Variants in THSD4 observed in about 807,000 individuals in gnomAD.
THSD4 encodes the protein thrombospondin type-1 domain-containing protein 4.
In THSD4, 69 loss-of-function variants were observed where a neutral mutation model predicts 119.0. That is an observed-to-expected ratio of 0.58 (90% CI 0.48 to 0.71). The LOEUF (loss-of-function observed/expected upper bound fraction) is 0.71. THSD4 is among the 30% of genes least tolerant of loss of function. The pLI, the probability that THSD4 is intolerant of heterozygous loss-of-function variation, is 0.00. For missense variants in THSD4, 1,393 were observed against 1,391.1 expected, an observed-to-expected ratio of 1.00 and a Z score of -0.02; for synonymous variants, 524 against 540.4, an observed-to-expected ratio of 0.97 and a Z score of 0.42.
intron 14 of THSD4, 171 bp from the exon 15 acceptor site, chr15:71,757,731 C>G (rs2053566472): frequency 1.3e-6 from 1 of 772,600 alleles, no homozygotes; most frequent in African/African-American, 1.8e-5. Context: ...CAGAGAATTG[C>G]CATACTGATA....
chr15:71,126,021 G>A (rs1047640598), intron 1 of THSD4, among the ~76,000 whole-genome samples: 1 of 152,202 alleles, frequency 6.6e-6, no homozygotes, highest in African/African-American at 2.4e-5. Flanking sequence ...CAGGGGGCTG[G>A]CATTCTTCCT....
At position 71,746,900 on chromosome 15, in the gene THSD4, A is replaced by G. The variant is rs370814534; in HGVS notation, c.2099A>G (p.Gln700Arg). The G allele has an allele frequency of 1.9e-6, 3 of 1,613,940 alleles. No homozygotes were observed. The African/African-American group carries it at 4.0e-5, about 22-fold the overall frequency. The change falls in exon 13 of 18, where the codon CAG (glutamine) becomes CGG (arginine). Residue 700 changes from glutamine (Q) to arginine (R), a missense_variant. Physicochemically the swap from Gln to Arg is conservative, Grantham distance 43. Transcript: ENST00000261862. Reference protein sequence around the residue: ...KTCGLGMQHRQVLCRQVYANR... With the variant: ...KTCGLGMQHRRVLCRQVYANR... ...TGTGGCCTGGGCATGCAGCACCGCCAGGTTCTGTGCCGCCAGGTGTACGCC... is the reference window on the plus strand; with the variant it reads ...TGTGGCCTGGGCATGCAGCACCGCCGGGTTCTGTGCCGCCAGGTGTACGCC...
chr15:71,357,344 G>T (rs1346003151), intron 6 of THSD4, among the ~76,000 whole-genome samples: 1 of 152,196 alleles, frequency 6.6e-6, no homozygotes, highest in African/African-American at 2.4e-5. Flanking sequence ...AGGTGTTGCT[G>T]AGAGGGCTGG....
At chr15:71,756,676 G>C (rs1214440287) in intron 14 of THSD4, among the ~76,000 whole-genome samples, 1 of 152,184 alleles carries the variant, frequency 6.6e-6, no homozygotes, top group Non-Finnish European at 1.5e-5. Flanking sequence ...TACTCAGGAG[G>C]CTGAGGTGGG....
chr15:71,345,116 T>C (rs1391584323), intron 6 of THSD4, among the ~76,000 whole-genome samples: 2 of 151,262 alleles, frequency 1.3e-5, no homozygotes, highest in Non-Finnish European at 2.9e-5. Flanking sequence ...AGCCTGGGTC[T>C]GTGATATTGG....
intron 1 of THSD4, among the ~76,000 whole-genome samples, chr15:71,104,831 G>A (rs1408239071): frequency 1.3e-5 from 2 of 152,180 alleles, no homozygotes; most frequent in Admixed American, 6.5e-5. Context: ...CAACAGAAAA[G>A]AAAGTTTTAA....
intron 3 of THSD4, among the ~76,000 whole-genome samples, chr15:71,194,942 G>A (rs994095971): frequency 2.0e-4 from 31 of 152,162 alleles, no homozygotes; most frequent in Non-Finnish European, 1.3e-4. Context: ...GCAGGAACAG[G>A]AATGAAGCAC....
intron 4 of THSD4, among the ~76,000 whole-genome samples, chr15:71,219,962 T>C (rs11072260): frequency 1 from 151,850 of 152,358 alleles, 75,674 homozygotes; most frequent in Middle Eastern, 1. Context: ...CTGTCTGAGC[T>C]GTGTCTTGAC....
At chr15:71,164,724 G>A in intron 3 of THSD4, 1 of 1,565,080 alleles carries the variant, frequency 6.4e-7, no homozygotes, top group South Asian at 1.3e-5. Flanking sequence ...GTACAGGGGG[G>A]TTAAATGCTT....
At position 71,341,069 on chromosome 15, in the gene THSD4, C is replaced by T. The variant is rs1282451288; in HGVS notation, c.1016-70618C>T. 3.2e-6 allele frequency: 3 copies of T among 946,160 alleles called. No homozygotes were observed. The Admixed American group carries it at 6.8e-5, about 21-fold the overall frequency. The allele number at this position is 946,160 out of a possible 1,614,324, so 58.6% of individuals were successfully genotyped here. On this transcript the variant is annotated intron_variant, in intron 6 of 17. Coordinates refer to ENST00000261862, the MANE Select transcript of THSD4 (RefSeq NM_024817.3). The stretch of plus-strand genomic sequence containing the variant: ...CTCCCATTTCTTTTTTCTTTTGTTG[C>T]CTTGCCTTTTCTTTTCTATTGTCTC...
intron 6 of THSD4, 81 bp downstream of exon 6, chr15:71,256,796 G>C: frequency 7.5e-7 from 1 of 1,327,768 alleles, no homozygotes; most frequent in Non-Finnish European, 1.1e-6. Context: ...GATGTTGGAG[G>C]TATTGGTGTG....
At chr15:71,724,287 A>ATATATATATATATATATATATTTTTTT in intron 8 of THSD4, among the ~76,000 whole-genome samples, 1 of 37,288 alleles carries the variant, frequency 2.7e-5, no homozygotes, top group African/African-American at 6.6e-5. Flanking sequence ...ATATATATAT[A>ATATATATATATATATATATATTTTTTT]TTTTTTTTTT....
intron 6 of THSD4, among the ~76,000 whole-genome samples, chr15:71,389,602 G>A (rs889707884): frequency 6.6e-5 from 10 of 151,674 alleles, no homozygotes; most frequent in South Asian, 2.1e-4. Context: ...GAATGTGAGC[G>A]TATTCATATC....
chr15:71,317,540 C>T (rs1314257278), intron 6 of THSD4, among the ~76,000 whole-genome samples: 1 of 152,168 alleles, frequency 6.6e-6, no homozygotes, highest in Non-Finnish European at 1.5e-5. Context: ...GAAAAACACA[C>T]CCCCATGATT....
At chr15:71,430,875 CATA>C (rs565891854) in intron 7 of THSD4, among the ~76,000 whole-genome samples, 1 of 151,390 alleles carries the variant, frequency 6.6e-6, no homozygotes, top group Non-Finnish European at 1.5e-5. Flanking sequence ...CTATTGGCTT[CATA>C]ATGTCAGCCT....
chr15:71,110,412 C>T (rs555293413), intron 1 of THSD4: 5 of 152,374 alleles, frequency 3.3e-5, no homozygotes, highest in African/African-American at 1.2e-4. Context: ...TGCTTAAACC[C>T]CCTTAGAGGC....
At chr15:71,343,870 A>G (rs901100401) in intron 6 of THSD4, among the ~76,000 whole-genome samples, 3 of 150,976 alleles carry the variant, frequency 2.0e-5, no homozygotes, top group East Asian at 2.0e-4. Context: ...GCACCACCAC[A>G]CCCAGCTAAC....
chr15:71,280,504 C>G (rs547359431), intron 6 of THSD4, among the ~76,000 whole-genome samples: 1 of 151,898 alleles, frequency 6.6e-6, no homozygotes, highest in Admixed American at 6.5e-5. Flanking sequence ...AATGTGTAAG[C>G]TATAATATGT....
intron 8 of THSD4, among the ~76,000 whole-genome samples, chr15:71,710,805 T>TA (rs1360180853): frequency 6.6e-6 from 1 of 152,190 alleles, no homozygotes; most frequent in East Asian, 1.9e-4. Context: ...ACACAGACTC[T>TA]AGTTCTGTAT....
Sources: allele counts gnomAD v4.1 joint callset (sites outside exome capture counted in the v4.1 genomes callset), GRCh38; gene constraint gnomAD v4.1.1; transcripts MANE v1.5; gene names NCBI Gene and HGNC (gene_info 2026-07-23, HGNC 2026-07-21).